The following CDH13 variants were observed in gnomAD, a reference collection of about 807,000 sequenced individuals.
CDH13 encodes cadherin-13.
In CDH13, 24 loss-of-function variants were observed where a neutral mutation model predicts 63.8. The ratio of observed to expected loss-of-function variants is 0.38; its 90% confidence interval spans 0.27 to 0.53. CDH13 has a LOEUF of 0.53. Ranked by LOEUF, CDH13 falls within the 20% of genes least tolerant of loss-of-function variation. The pLI is 0.85. For missense variants in CDH13, 1,049 were observed against 903.1 expected (o/e 1.16, Z -2.07); for synonymous variants, 503 against 355.3 (o/e 1.42, Z -4.67).
chr16:82,816,446 G>A (rs569601417), intron 1 of CDH13, among the ~76,000 whole-genome samples: 2 of 152,262 alleles, frequency 1.3e-5, no homozygotes, highest in South Asian at 4.1e-4. Flanking sequence ...GATGGCAAAG[G>A]CTATGGAGAA....
Position 82,805,985 on chromosome 16 carries a change from A to T in CDH13, c.46-52377A>T, listed in dbSNP as rs1158046869. ...CCATTCATTGTCTCCATAATCCCCTAGGTTTCTATCTAATTTTCATTGAGC... is the reference window on the plus strand; with the variant it reads ...CCATTCATTGTCTCCATAATCCCCTTGGTTTCTATCTAATTTTCATTGAGC... On this transcript the variant is annotated intron_variant, in intron 1 of 13. Transcript: ENST00000567109. Among the ~76,000 whole-genome samples the T allele has an allele frequency of 2.0e-5, 3 of 152,084 alleles. No homozygotes were observed. In the East Asian group the frequency reaches 5.8e-4, roughly 29 times the overall value.
At chr16:83,204,637 G>A (rs1019304354) in intron 4 of CDH13, among the ~76,000 whole-genome samples, 1 of 152,168 alleles carries the variant, frequency 6.6e-6, no homozygotes, top group African/African-American at 2.4e-5. Context: ...GCGTTTTTAT[G>A]TGTCTCTAAA....
intron 5 of CDH13, among the ~76,000 whole-genome samples, chr16:83,295,902 G>T (rs530904786): frequency 6.6e-6 from 1 of 152,274 alleles, no homozygotes; most frequent in African/African-American, 2.4e-5. Context: ...CAATAGCCAA[G>T]ATATGGAATC....
intron 1 of CDH13, among the ~76,000 whole-genome samples, chr16:82,743,104 C>A (rs2034006889): frequency 6.6e-6 from 1 of 152,172 alleles, no homozygotes; most frequent in African/African-American, 2.4e-5. Flanking sequence ...CCTTTTATTT[C>A]TCAGTACAAT....
chr16:83,701,762 C>G (rs996236007), intron 10 of CDH13, among the ~76,000 whole-genome samples: 3 of 152,208 alleles, frequency 2.0e-5, no homozygotes, highest in African/African-American at 7.2e-5. Context: ...AGCACTCCTG[C>G]TACTGGGTTG....
rs1454680886 is a variant in CDH13, at chr16:82,840,693, A to AAAG, written c.46-17667_46-17666insGAA. Among the ~76,000 whole-genome samples the AAAG allele has an allele frequency of 7.9e-5, 12 of 151,962 alleles. No homozygotes were observed. In the South Asian group the frequency reaches 2.1e-3, roughly 26 times the overall value. On this transcript the variant is annotated intron_variant, in intron 1 of 13. Coordinates refer to ENST00000567109, the MANE Select transcript of CDH13 (RefSeq NM_001257.5). Reference sequence around the variant, plus strand: ...GAGTGAGAATCCATCTCAAAAAAAAAAAAAAAAAAGAAAAAAACTTGCATA... The same window carrying AAAG: ...GAGTGAGAATCCATCTCAAAAAAAAAAAGAAAAAAAAAGAAAAAAACTTGCATA...
At chr16:83,064,976 T>C (rs1440821786) in intron 3 of CDH13, among the ~76,000 whole-genome samples, 1 of 152,138 alleles carries the variant, frequency 6.6e-6, no homozygotes, top group Non-Finnish European at 1.5e-5. Flanking sequence ...TCTGAAACTT[T>C]GCACTCTTAG....
intron 5 of CDH13, among the ~76,000 whole-genome samples, chr16:83,254,351 T>C (rs1241198769): frequency 1.3e-5 from 2 of 152,200 alleles, no homozygotes; most frequent in Non-Finnish European, 2.9e-5. Context: ...GGAAGCCTCA[T>C]GCACAGAGTG....
intron 4 of CDH13, among the ~76,000 whole-genome samples, chr16:83,190,122 T>A (rs890384835): frequency 1.3e-5 from 2 of 152,204 alleles, no homozygotes; most frequent in African/African-American, 4.8e-5. Flanking sequence ...AATACACACA[T>A]CTAACAAGAA....
chr16:83,371,442 G>A (rs1162051388), intron 6 of CDH13, among the ~76,000 whole-genome samples: 1 of 151,940 alleles, frequency 6.6e-6, no homozygotes, highest in African/African-American at 2.4e-5. Context: ...CTCTTTCTTG[G>A]CATACTTATA....
At chr16:83,274,492 C>G (rs953070176) in intron 5 of CDH13, among the ~76,000 whole-genome samples, 2 of 152,208 alleles carry the variant, frequency 1.3e-5, no homozygotes, top group Non-Finnish European at 2.9e-5. Flanking sequence ...GCACTTACCA[C>G]AGTTTGAACT....
chr16:82,651,989 T>C (rs1057097756), intron 1 of CDH13, among the ~76,000 whole-genome samples: 1 of 152,240 alleles, frequency 6.6e-6, no homozygotes, highest in Non-Finnish European at 1.5e-5. Flanking sequence ...GTTGGAGCTT[T>C]TCGTCTTCTT....
intron 5 of CDH13, among the ~76,000 whole-genome samples, chr16:83,321,136 T>C (rs191851578): frequency 6.6e-5 from 10 of 152,340 alleles, no homozygotes; most frequent in African/African-American, 1.9e-4. Flanking sequence ...TGTCTCACTA[T>C]TTTGAAAACT....
At chr16:83,390,152 C>T (rs145910657) in intron 6 of CDH13, among the ~76,000 whole-genome samples, 5 of 152,168 alleles carry the variant, frequency 3.3e-5, no homozygotes, top group Non-Finnish European at 7.3e-5. Context: ...AATCTTCAGA[C>T]CCTGAGTTTG....
intron 3 of CDH13, among the ~76,000 whole-genome samples, chr16:83,044,675 T>C (rs769822938): frequency 2.6e-5 from 4 of 152,224 alleles, no homozygotes; most frequent in Non-Finnish European, 5.9e-5. Flanking sequence ...CTCACAACAA[T>C]GCCTGGATGC....
At chr16:83,333,769 T>G (rs11149558) in intron 5 of CDH13, among the ~76,000 whole-genome samples, 1 of 152,192 alleles carries the variant, frequency 6.6e-6, no homozygotes, top group Non-Finnish European at 1.5e-5. Flanking sequence ...ACATGACCCA[T>G]TTTGCCCAGG....
At chr16:83,102,367 A>G (rs2034522236) in intron 3 of CDH13, among the ~76,000 whole-genome samples, 1 of 152,208 alleles carries the variant, frequency 6.6e-6, no homozygotes, top group Non-Finnish European at 1.5e-5. Context: ...ATCTGGCGGA[A>G]GAGATACCCA....
intron 5 of CDH13, among the ~76,000 whole-genome samples, chr16:83,314,259 C>T (rs1027683959): frequency 6.6e-6 from 1 of 151,798 alleles, no homozygotes; most frequent in Non-Finnish European, 1.5e-5. Flanking sequence ...ACTATCTTTC[C>T]AGCTAGGGTG....
At chr16:83,172,412 A>AC (rs749218234) in intron 4 of CDH13, among the ~76,000 whole-genome samples, 5 of 151,690 alleles carry the variant, frequency 3.3e-5, no homozygotes, top group South Asian at 4.2e-4. Flanking sequence ...AATTGCTTGA[A>AC]CCCCAGAGGC....
Sources: allele counts gnomAD v4.1 joint callset (sites outside exome capture counted in the v4.1 genomes callset), GRCh38; gene constraint gnomAD v4.1.1; transcripts MANE v1.5; gene names NCBI Gene and HGNC (gene_info 2026-07-23, HGNC 2026-07-21).